Variants in SNX3 observed in about 807,000 individuals in gnomAD.
SNX3 encodes sorting nexin-3.
In SNX3, 5 loss-of-function variants were observed where a neutral mutation model predicts 17.7. That is an observed-to-expected ratio of 0.28 (90% CI 0.15 to 0.59). SNX3 has a LOEUF of 0.59. Ranked by LOEUF, SNX3 falls within the 20% of genes least tolerant of loss-of-function variation. SNX3 has a pLI of 0.88. For synonymous variants in SNX3, 91 were observed against 76.5 expected (o/e 1.19, Z -0.99); for missense variants, 132 against 206.8 (o/e 0.64, Z 2.22).
chr6:108,241,838 A>G (rs1368543684), intron 1 of SNX3, among the ~76,000 whole-genome samples: 1 of 152,200 alleles, frequency 6.6e-6, no homozygotes, highest in Non-Finnish European at 1.5e-5. Context: ...ACAGGAGGAT[A>G]AAAAGTCAGA....
intron 2 of SNX3, among the ~76,000 whole-genome samples, chr6:108,215,926 TAAAAA>T (rs964346034): frequency 6.7e-6 from 1 of 149,860 alleles, no homozygotes; most frequent in African/African-American, 2.5e-5. Context: ...GACCCCGTCT[TAAAAA>T]AAAAATAAAT....
At chr6:108,226,652 C>A (rs1774981829) in intron 1 of SNX3, among the ~76,000 whole-genome samples, 1 of 152,176 alleles carries the variant, frequency 6.6e-6, no homozygotes, top group South Asian at 2.1e-4. Flanking sequence ...AATATTCACT[C>A]CTAAGAAAGT....
rs564599800 is a variant in SNX3 at position 108,235,690 on chromosome 6, G to T, written c.163-12645C>A. On this transcript the variant is annotated intron_variant, in intron 1 of 3. Transcript: ENST00000230085. ...GTGGGTGAATCACTTGAGGTCAGGA[G>T]ATCACGACTAGCCTGCCCAATATGG... Among the ~76,000 whole-genome samples the T allele has an allele frequency of 5.9e-5, 9 of 152,266 alleles. No homozygotes were observed. In the East Asian group the frequency reaches 1.7e-3, roughly 29 times the overall value.
chr6:108,235,671 G>T (rs1775306021), intron 1 of SNX3, among the ~76,000 whole-genome samples: 1 of 152,164 alleles, frequency 6.6e-6, no homozygotes, highest in Non-Finnish European at 1.5e-5. Context: ...CGAGGTGGGT[G>T]AATCACTTGA....
At chr6:108,217,208 AT>A (rs1379955506) in intron 2 of SNX3, among the ~76,000 whole-genome samples, 8 of 151,356 alleles carry the variant, frequency 5.3e-5, no homozygotes, top group Admixed American at 2.6e-4. Flanking sequence ...ATGATAAAAA[AT>A]GTAACAATAT....
At chr6:108,246,176 G>A (rs1178440432) in intron 1 of SNX3, among the ~76,000 whole-genome samples, 1 of 151,902 alleles carries the variant, frequency 6.6e-6, no homozygotes, top group Non-Finnish European at 1.5e-5. Flanking sequence ...AGTTTTCCCA[G>A]CACCATTTAT....
chr6:108,215,076 G>A (rs966801204), intron 2 of SNX3, among the ~76,000 whole-genome samples: 5 of 152,216 alleles, frequency 3.3e-5, no homozygotes, highest in African/African-American at 1.2e-4. Flanking sequence ...TCAGCCGGGC[G>A]TGGTGGCTCA....
intron 1 of SNX3, among the ~76,000 whole-genome samples, chr6:108,225,622 A>G (rs776031912): frequency 1.5e-4 from 23 of 152,216 alleles, no homozygotes; most frequent in Non-Finnish European, 3.1e-4. Flanking sequence ...ACAGAGTGAG[A>G]CTCTGACTCA....
At chr6:108,259,103 T>C (rs1776113213) in intron 1 of SNX3, among the ~76,000 whole-genome samples, 1 of 152,218 alleles carries the variant, frequency 6.6e-6, no homozygotes, top group Admixed American at 6.5e-5. Flanking sequence ...TAGTGAACCA[T>C]CTGTCATGTA....
Position 108,213,207 on chromosome 6 carries a change from G to A in SNX3, c.384-953C>T, listed in dbSNP as rs181425823. 2.0e-5 allele frequency among the ~76,000 whole-genome samples: 3 copies of A among 152,048 alleles called. No homozygotes were observed. In the East Asian group the frequency reaches 5.8e-4, roughly 29 times the overall value. On this transcript the variant is annotated intron_variant, in intron 3 of 3. Coordinates refer to ENST00000230085, the MANE Select transcript of SNX3 (RefSeq NM_003795.6). ...CCAGGCCAGAGTCTATTTTAAAGAG[G>A]AGAAGATACAGGATTGAAGTTAGAA... is the stretch of plus-strand genomic sequence containing the variant.
At chr6:108,238,781 TG>T (rs1775430538) in intron 1 of SNX3, among the ~76,000 whole-genome samples, 1 of 152,154 alleles carries the variant, frequency 6.6e-6, no homozygotes, top group South Asian at 2.1e-4. Flanking sequence ...ACTTTTGTAG[TG>T]GAAGTTCTTG....
intron 2 of SNX3, among the ~76,000 whole-genome samples, chr6:108,221,531 A>ATTT (rs1562421607): frequency 3.8e-5 from 3 of 78,442 alleles, no homozygotes; most frequent in Non-Finnish European, 8.9e-5. Flanking sequence ...ACAGTATTAC[A>ATTT]CTTTTTTTTT....
intron 2 of SNX3, among the ~76,000 whole-genome samples, chr6:108,218,615 T>A (rs1387653719): frequency 6.6e-6 from 1 of 152,132 alleles, no homozygotes; most frequent in Non-Finnish European, 1.5e-5. Flanking sequence ...TAGAACAAAA[T>A]GTCCACCAAA....
chr6:108,249,528 G>A (rs549498792), intron 1 of SNX3, among the ~76,000 whole-genome samples: 1 of 152,318 alleles, frequency 6.6e-6, no homozygotes, highest in African/African-American at 2.4e-5. Flanking sequence ...CATCTTCAGT[G>A]TTGGCACTGG....
chr6:108,259,051 A>C (rs1315725420), intron 1 of SNX3, among the ~76,000 whole-genome samples: 4 of 152,198 alleles, frequency 2.6e-5, no homozygotes, highest in Non-Finnish European at 5.9e-5. Context: ...AAAGAAAAAA[A>C]AAGAAAATAC....
chr6:108,258,390 G>A (rs1024921220), intron 1 of SNX3, among the ~76,000 whole-genome samples: 39 of 151,870 alleles, frequency 2.6e-4, no homozygotes, highest in African/African-American at 8.9e-4. Flanking sequence ...CCTGGGAGGC[G>A]GAGGTTGCTG....
At chr6:108,248,318 C>G (rs535939163) in intron 1 of SNX3, among the ~76,000 whole-genome samples, 2 of 152,312 alleles carry the variant, frequency 1.3e-5, no homozygotes, top group South Asian at 2.1e-4. Flanking sequence ...CTAGCAATGT[C>G]TGGAATATAA....
intron 1 of SNX3, among the ~76,000 whole-genome samples, chr6:108,241,748 T>G (rs1040544159): frequency 2.0e-5 from 3 of 152,176 alleles, no homozygotes; most frequent in African/African-American, 7.2e-5. Context: ...ACTCAGAGTC[T>G]CTACAACGTA....
chr6:108,231,292 G>A (rs977643227), intron 1 of SNX3, among the ~76,000 whole-genome samples: 7 of 152,110 alleles, frequency 4.6e-5, no homozygotes, highest in African/African-American at 1.7e-4. Context: ...TCACCATGTT[G>A]GCCAGGCTGG....
Sources: allele counts gnomAD v4.1 joint callset (sites outside exome capture counted in the v4.1 genomes callset), GRCh38; gene constraint gnomAD v4.1.1; transcripts MANE v1.5; gene names NCBI Gene and HGNC (gene_info 2026-07-23, HGNC 2026-07-21).